The following CDH2 variants were observed in gnomAD, a reference collection of about 807,000 sequenced individuals.
CDH2 encodes the protein cadherin 2.
Under a neutral mutation model 92.0 loss-of-function variants are expected in CDH2, and 17 were observed. That is an observed-to-expected ratio of 0.18 (90% confidence interval 0.13 to 0.28). The LOEUF is 0.28. Ranked by LOEUF, CDH2 falls within the 10% of genes least tolerant of loss-of-function variation. CDH2 has a pLI of 1.00. For missense variants in CDH2, 862 were observed against 1,133.1 expected, an observed-to-expected ratio of 0.76 and a Z score of 3.44; for synonymous variants, 419 against 415.9, an observed-to-expected ratio of 1.01 and a Z score of -0.09.
rs182416436 is a variant in CDH2, at chr18:28,106,459, A to T, written c.172+41214T>A. On this transcript the variant is annotated intron_variant, in intron 2 of 15. Transcript: ENST00000269141. ...AAAGTGTTATATCTATGTTATGGACATCAACTTACCAGAGTTTTTTTTTTT... is the reference window on the plus strand; with the variant it reads ...AAAGTGTTATATCTATGTTATGGACTTCAACTTACCAGAGTTTTTTTTTTT... Among the ~76,000 whole-genome samples, 255 of 127,060 alleles carry T rather than the reference A, an allele frequency of 2.0e-3. 3 individuals carry two copies. The highest frequency in any genetic ancestry group is 9.5e-4 in the Non-Finnish European group (58 of 60,882). The allele number at this position is 127,060 out of a possible 152,430, so 83.4% of individuals were successfully genotyped here. A position where few individuals can be genotyped will look rare whatever the true frequency, so the allele number is the denominator to read the frequency against.
rs17853633 is a variant in CDH2 at position 27,990,245 on chromosome 18, C to T, written c.1450G>A (p.Val484Met). The T allele has an allele frequency of 1.5e-5, 24 of 1,614,090 alleles. No homozygotes were observed. The highest frequency in any genetic ancestry group is 1.9e-5 in the Non-Finnish European group (22 of 1,179,962). ...IQHPPQSTAT[V>M]SVTVIDVNEN... ...TTTACGTCAATAACTGTAACAGACACGGTTGCAGTTGACTGAGGGGGGTGC... is the reference window on the plus strand; with the variant it reads ...TTTACGTCAATAACTGTAACAGACATGGTTGCAGTTGACTGAGGGGGGTGC... The change falls in exon 10 of 16, where the codon GTG becomes ATG. Residue 484 changes from valine (V) to methionine (M), a missense_variant. Around this residue, in one of 5 missense-constraint regions of CDH2, gnomAD observed 564 missense variants for 722.2 expected, o/e 0.78. Transcript: ENST00000269141.
chr18:27,945,518 T>C (rs1038004839), intron 6 of CDH2, among the ~76,000 whole-genome samples: 3 of 151,884 alleles, frequency 2.0e-5, no homozygotes, highest in Non-Finnish European at 4.4e-5. Flanking sequence ...AACTTTTCCT[T>C]TGAATATGAA....
intron 14 of CDH2, among the ~76,000 whole-genome samples, chr18:27,968,409 G>A (rs2011581294): frequency 6.6e-6 from 1 of 152,220 alleles, no homozygotes; most frequent in African/African-American, 2.4e-5. Context: ...TCTGGGGTTT[G>A]AAGTGCTGGA....
At position 28,031,936 on chromosome 18, in the gene CDH2, G is replaced by A. The variant is rs17493884; in HGVS notation, c.173-18027C>T. Among the ~76,000 whole-genome samples, 886 of 152,156 alleles carry A rather than the reference G, an allele frequency of 5.8e-3. 9 individuals carry two copies. Among genetic ancestry groups the A allele is most frequent in the African/African-American group, 0.019 (802 of 41,530 alleles). ...ACATGAGACCTTGTTTTATTTTTCA[G>A]CTGGTTTTACTAGAAATGAGTGATG... is the stretch of plus-strand genomic sequence containing the variant. On this transcript the variant is annotated intron_variant, in intron 2 of 15. Coordinates refer to ENST00000269141, the MANE Select transcript of CDH2 (RefSeq NM_001792.5).
At chr18:28,174,115 A>T (rs1347551338) in intron 1 of CDH2, among the ~76,000 whole-genome samples, 1 of 152,216 alleles carries the variant, frequency 6.6e-6, no homozygotes, top group Admixed American at 6.5e-5. Context: ...TTCAGTTAAC[A>T]ATTCAAGGCA....
intron 2 of CDH2, among the ~76,000 whole-genome samples, chr18:28,076,318 G>A (rs770712317): frequency 2.6e-5 from 4 of 151,790 alleles, no homozygotes; most frequent in South Asian, 4.2e-4. Flanking sequence ...TTCTTATCCC[G>A]GCCTTACTAT....
intron 2 of CDH2, among the ~76,000 whole-genome samples, chr18:28,061,050 CT>C (rs1348178602): frequency 6.6e-6 from 1 of 151,984 alleles, no homozygotes; most frequent in Non-Finnish European, 1.5e-5. Flanking sequence ...TTTCTTTTGC[CT>C]TTTTTTGAAC....
intron 2 of CDH2, among the ~76,000 whole-genome samples, chr18:28,060,073 G>A (rs928502935): frequency 1.3e-5 from 2 of 152,080 alleles, no homozygotes; most frequent in African/African-American, 4.8e-5. Context: ...CCTATCAGGA[G>A]TACATAACAA....
intron 5 of CDH2, among the ~76,000 whole-genome samples, chr18:28,007,165 A>AATATATATATATATATATATAT (rs1555632742): frequency 9.1e-6 from 1 of 110,496 alleles, no homozygotes; most frequent in African/African-American, 4.4e-5. Flanking sequence ...ATAAAAAAAA[A>AATATATATATATATATATATAT]ATATATATAT....
intron 2 of CDH2, among the ~76,000 whole-genome samples, chr18:28,018,873 T>TTATATATATA (rs56721321): frequency 1.0e-4 from 15 of 146,300 alleles, no homozygotes; most frequent in African/African-American, 3.5e-4. Context: ...GCACACACGT[T>TTATATATATA]TATATATATA....
chr18:27,959,231 C>G (rs1001422809), intron 15 of CDH2, among the ~76,000 whole-genome samples: 6 of 152,074 alleles, frequency 3.9e-5, no homozygotes, highest in Non-Finnish European at 7.4e-5. Context: ...AGTTGAAATT[C>G]AAAAACATGT....
intron 2 of CDH2, among the ~76,000 whole-genome samples, chr18:28,145,620 G>GA (rs1437752183): frequency 1.3e-5 from 2 of 152,058 alleles, no homozygotes; most frequent in Non-Finnish European, 2.9e-5. Context: ...TTCTCCAGAA[G>GA]AAACATTAAC....
At chr18:27,950,321 G>A (rs1220241336), downstream of CDH2, among the ~76,000 whole-genome samples, 2 of 152,128 alleles carry the variant, frequency 1.3e-5, no homozygotes, top group East Asian at 3.8e-4. Context: ...ATAAATACAA[G>A]TGGAGAATTC....
chr18:28,044,600 C>T (rs182534068), intron 2 of CDH2, among the ~76,000 whole-genome samples: 98 of 152,218 alleles, frequency 6.4e-4, no homozygotes, highest in Non-Finnish European at 1.0e-3. Context: ...CAATGACATG[C>T]GAAGTGCATA....
chr18:28,077,050 C>T (rs1174127888), intron 2 of CDH2, among the ~76,000 whole-genome samples: 1 of 152,124 alleles, frequency 6.6e-6, no homozygotes, highest in Non-Finnish European at 1.5e-5. Context: ...TCATCTTCTA[C>T]TTTAGTACCA....
intron 2 of CDH2, among the ~76,000 whole-genome samples, chr18:28,144,910 T>G (rs1238561970): frequency 2.0e-5 from 3 of 152,084 alleles, no homozygotes; most frequent in Non-Finnish European, 2.9e-5. Context: ...TTCATTACAC[T>G]AGCAAAAAAT....
intron 1 of CDH2, among the ~76,000 whole-genome samples, chr18:28,159,663 T>TG (rs1052124643): frequency 2.0e-5 from 3 of 151,568 alleles, no homozygotes; most frequent in African/African-American, 7.3e-5. Context: ...TTTTTGTTTT[T>TG]TTTTTTTTTT....
intron 2 of CDH2, among the ~76,000 whole-genome samples, chr18:28,092,178 T>TCATTTCC (rs2015048920): frequency 1.3e-5 from 2 of 152,032 alleles, no homozygotes; most frequent in African/African-American, 4.8e-5. Flanking sequence ...AATTAACTCT[T>TCATTTCC]CATTTCCAAG....
chr18:28,016,788 G>A (rs908290980), intron 2 of CDH2, among the ~76,000 whole-genome samples: 2 of 152,004 alleles, frequency 1.3e-5, no homozygotes, highest in Non-Finnish European at 2.9e-5. Flanking sequence ...AAATGCATAC[G>A]AAGAGAATAA....
Sources: allele counts gnomAD v4.1 joint callset (sites outside exome capture counted in the v4.1 genomes callset), GRCh38; gene constraint gnomAD v4.1.1; regional missense constraint gnomAD v4.1.1; transcripts MANE v1.5; gene names NCBI Gene and HGNC (gene_info 2026-07-23, HGNC 2026-07-21).